Variants in NRG3 observed in about 807,000 individuals in gnomAD.
NRG3 encodes the protein neuregulin 3.
NRG3 carries 31 observed loss-of-function variants against 66.9 expected under a neutral mutation model. The observed-to-expected ratio is 0.46, with a 90% CI of 0.35 to 0.63. The LOEUF is 0.63. NRG3 is among the 20% of genes least tolerant of loss of function. NRG3 has a pLI of 0.00. For synonymous variants in NRG3, 393 were observed against 359.4 expected, an observed-to-expected ratio of 1.09 and a Z score of -1.06; for missense variants, 910 against 878.9, an observed-to-expected ratio of 1.04 and a Z score of -0.45.
At position 82,344,284 on chromosome 10, in the gene NRG3, A is replaced by G. The variant is rs982798470; in HGVS notation, c.824-14455A>G. On this transcript the variant is annotated intron_variant, in intron 1 of 8. Transcript: ENST00000372141. ...TGTGTCCACGTGATCTCATTGTTCA[A>G]TTCCCACCTATGAGTGAGAATATGC... Among the ~76,000 whole-genome samples, 130 of 151,416 alleles carry G rather than the reference A, an allele frequency of 8.6e-4. 1 individual carries two copies. Among genetic ancestry groups the G allele is most frequent in the Non-Finnish European group, 1.5e-3 (105 of 67,988 alleles).
Position 82,981,124 on chromosome 10 carries a change from G to A in NRG3, c.1583+2004G>A, listed in dbSNP as rs142484564. ...CGATTAGTAAGGGTGCTTGGAGCCT[G>A]TGCCAGGCTCAAGCTTGAACAATGC... On this transcript the variant is annotated intron_variant, in intron 8 of 8. Coordinates refer to ENST00000372141, the MANE Select transcript of NRG3 (RefSeq NM_001010848.4). Among the ~76,000 whole-genome samples, 742 of 152,228 alleles carry A rather than the reference G, an allele frequency of 4.9e-3. 6 individuals carry two copies. Among genetic ancestry groups the A allele is most frequent in the African/African-American group, 0.017 (696 of 41,524 alleles).
At chr10:81,943,507 G>GAGAGAAAA (rs1848575245) in intron 1 of NRG3, among the ~76,000 whole-genome samples, 2 of 152,194 alleles carry the variant, frequency 1.3e-5, no homozygotes, top group Admixed American at 1.3e-4. Context: ...TGGCATTGAA[G>GAGAGAAAA]AGAGAAAAAG....
At chr10:82,729,035 A>G (rs185945734) in intron 2 of NRG3, among the ~76,000 whole-genome samples, 23 of 152,222 alleles carry the variant, frequency 1.5e-4, no homozygotes, top group Admixed American at 1.3e-3. Context: ...CATGTACTAA[A>G]TCAAGATTCA....
chr10:82,664,567 C>A (rs1345120025), intron 2 of NRG3, among the ~76,000 whole-genome samples: 2 of 152,268 alleles, frequency 1.3e-5, no homozygotes, highest in Middle Eastern at 3.4e-3. Context: ...ATATTAGCAA[C>A]AAAGTTAAGC....
intron 2 of NRG3, among the ~76,000 whole-genome samples, chr10:82,645,074 C>A (rs1476262731): frequency 6.6e-6 from 1 of 152,146 alleles, no homozygotes; most frequent in Non-Finnish European, 1.5e-5. Flanking sequence ...CCTGCCTTTT[C>A]CATTTTGCTG....
intron 3 of NRG3, among the ~76,000 whole-genome samples, chr10:82,845,196 A>G (rs140304635): frequency 2.2e-3 from 330 of 152,330 alleles, no homozygotes; most frequent in African/African-American, 7.4e-3. Context: ...TTCAAGTATT[A>G]CATGCTTGTT....
chr10:82,425,184 G>T lies in NRG3; in HGVS notation c.953+66316G>T, dbSNP rs1288741199. Among the ~76,000 whole-genome samples the T allele has an allele frequency of 3.3e-5, 5 of 152,088 alleles. No homozygotes were observed. In the East Asian group the frequency reaches 7.7e-4, roughly 23 times the overall value. ...CTTTTCAATTTTGGCAAAAAGGCCA[G>T]CTGGGGTTACAGTAGGGATCACATT... is the stretch of plus-strand genomic sequence containing the variant. On this transcript the variant is annotated intron_variant, in intron 2 of 8. Coordinates refer to ENST00000372141, the MANE Select transcript of NRG3 (RefSeq NM_001010848.4).
chr10:82,489,825 A>G (rs1392933517), intron 2 of NRG3, among the ~76,000 whole-genome samples: 1 of 152,178 alleles, frequency 6.6e-6, no homozygotes, highest in Non-Finnish European at 1.5e-5. Context: ...AGATGCTAGG[A>G]CTTAAAAAAA....
At chr10:81,998,350 C>T (rs552690401) in intron 1 of NRG3, among the ~76,000 whole-genome samples, 1 of 152,124 alleles carries the variant, frequency 6.6e-6, no homozygotes, top group South Asian at 2.1e-4. Flanking sequence ...TCTAGACATT[C>T]CCTCCTGTGG....
At chr10:82,851,546 G>C (rs1182060090) in intron 3 of NRG3, among the ~76,000 whole-genome samples, 3 of 152,166 alleles carry the variant, frequency 2.0e-5, no homozygotes, top group Non-Finnish European at 1.5e-5. Flanking sequence ...TCTATACCAT[G>C]AAATCTGTTA....
chr10:82,675,248 C>T (rs1463854342), intron 2 of NRG3, among the ~76,000 whole-genome samples: 1 of 152,120 alleles, frequency 6.6e-6, no homozygotes, highest in East Asian at 1.9e-4. Context: ...TGAGACACTG[C>T]ACCCGGCCTT....
At position 82,919,609 on chromosome 10, in the gene NRG3, T is replaced by C. The variant is rs185268462; in HGVS notation, c.1055-31860T>C. ...TCAGATGATCCCTAGGAAAAAACAG[T>C]GTCTGGAACCACAAGCCATTATGAA... On this transcript the variant is annotated intron_variant, in intron 4 of 8. Coordinates refer to ENST00000372141, the MANE Select transcript of NRG3 (RefSeq NM_001010848.4). Among the ~76,000 whole-genome samples the C allele has an allele frequency of 3.2e-3, 488 of 152,248 alleles. 3 individuals carry two copies. The highest frequency in any genetic ancestry group is 5.1e-3 in the Non-Finnish European group (347 of 68,008).
At chr10:82,307,339 G>A (rs7893860) in intron 1 of NRG3, among the ~76,000 whole-genome samples, 1 of 151,938 alleles carries the variant, frequency 6.6e-6, no homozygotes, top group Admixed American at 6.5e-5. Context: ...AGGAAGAGGA[G>A]AAAATTAACT....
intron 1 of NRG3, among the ~76,000 whole-genome samples, chr10:82,185,577 G>C (rs2133279880): frequency 6.6e-6 from 1 of 152,318 alleles, no homozygotes; most frequent in East Asian, 1.9e-4. Flanking sequence ...CAGCTTATTA[G>C]AGTAGAAACA....
At chr10:82,279,017 A>G (rs776821715) in intron 1 of NRG3, among the ~76,000 whole-genome samples, 4 of 152,066 alleles carry the variant, frequency 2.6e-5, no homozygotes, top group African/African-American at 9.7e-5. Flanking sequence ...CATTTCTTCA[A>G]CGTTTGCTTC....
intron 4 of NRG3, among the ~76,000 whole-genome samples, chr10:82,887,311 T>C (rs1334696697): frequency 6.6e-6 from 1 of 152,228 alleles, no homozygotes; most frequent in Non-Finnish European, 1.5e-5. Context: ...GAAAGTGTGA[T>C]GCTCCTCTTA....
intron 1 of NRG3, among the ~76,000 whole-genome samples, chr10:81,887,772 A>G (rs1842728290): frequency 1.3e-5 from 2 of 152,080 alleles, no homozygotes; most frequent in African/African-American, 2.4e-5. Context: ...ATATGATTCT[A>G]TTTATATACT....
intron 2 of NRG3, among the ~76,000 whole-genome samples, chr10:82,693,758 A>G (rs1012864153): frequency 9.2e-5 from 14 of 152,184 alleles, no homozygotes; most frequent in African/African-American, 2.9e-4. Flanking sequence ...ACTGACTTCA[A>G]GAATGAAGCT....
chr10:82,808,009 T>A (rs1195058061), intron 3 of NRG3, among the ~76,000 whole-genome samples: 2 of 152,068 alleles, frequency 1.3e-5, no homozygotes, highest in African/African-American at 4.8e-5. Flanking sequence ...ACTGCAAAAA[T>A]TTTCTCCAAT....
Sources: allele counts gnomAD v4.1 joint callset (sites outside exome capture counted in the v4.1 genomes callset), GRCh38; gene constraint gnomAD v4.1.1; transcripts MANE v1.5; gene names NCBI Gene and HGNC (gene_info 2026-07-23, HGNC 2026-07-21).